Variants in KCNH8 observed in about 807,000 individuals in gnomAD.
The protein encoded by KCNH8 is voltage-gated delayed rectifier potassium channel KCNH8.
In KCNH8, 70 loss-of-function variants were observed where a neutral mutation model predicts 103.6. The observed-to-expected ratio is 0.68, with a 90% CI of 0.56 to 0.82. The LOEUF (loss-of-function observed/expected upper bound fraction) is 0.82, where lower values mean the gene tolerates loss of function less well. Among genes scored for constraint, KCNH8 ranks in the 40% least tolerant of loss-of-function variants. The pLI is 0.00. For synonymous variants in KCNH8, 498 were observed against 489.4 expected (o/e 1.02, Z -0.23); for missense variants, 1,217 against 1,329.9 (o/e 0.92, Z 1.32).
rs545775372 is a variant in KCNH8, at chr3:19,376,162, G to T, written c.812-14319G>T. Among the ~76,000 whole-genome samples the T allele has an allele frequency of 7.0e-4, 106 of 152,358 alleles. 2 individuals carry two copies. The South Asian group carries it at 7.2e-3, about 10-fold the overall frequency. On this transcript the variant is annotated intron_variant, in intron 5 of 15. Transcript: ENST00000328405. ...CGTCCAGGCTGCTTTGTTTACCTAA[G>T]CAAGCCTGGGCAATGGCGGGCGCCC...
chr3:19,508,644 T>C (rs931155662), intron 11 of KCNH8, among the ~76,000 whole-genome samples: 1 of 152,160 alleles, frequency 6.6e-6, no homozygotes, highest in Non-Finnish European at 1.5e-5. Flanking sequence ...TCATGAGCTC[T>C]TACTACTCAA....
intron 5 of KCNH8, among the ~76,000 whole-genome samples, chr3:19,373,096 G>C (rs188483559): frequency 6.6e-6 from 1 of 151,804 alleles, no homozygotes; most frequent in Admixed American, 6.6e-5. Context: ...TCTGTGCCCG[G>C]CTTTGGTATC....
At chr3:19,530,018 C>T (rs896914173) in intron 15 of KCNH8, among the ~76,000 whole-genome samples, 1 of 152,148 alleles carries the variant, frequency 6.6e-6, no homozygotes. Context: ...TCTAAGTTCA[C>T]GGTCTCAAAG....
rs1330663481 is a variant in KCNH8 at position 19,199,323 on chromosome 3, A to G, written c.76+50528A>G. ...AGCATAAACTTTCATTATAGAAGCT[A>G]TTCACTAATATTACATAAATCGTAA... On this transcript the variant is annotated intron_variant, in intron 1 of 15. Transcript: ENST00000328405. Among the ~76,000 whole-genome samples, 7 of 152,086 alleles carry G rather than the reference A, an allele frequency of 4.6e-5. No homozygotes were observed. The East Asian group carries it at 9.6e-4, about 21-fold the overall frequency.
chr3:19,149,638 G>C (rs1011323803), intron 1 of KCNH8, among the ~76,000 whole-genome samples: 1 of 152,132 alleles, frequency 6.6e-6, no homozygotes, highest in African/African-American at 2.4e-5. Context: ...ACTTGACCCT[G>C]TGGATCTTCC....
chr3:19,473,076 G>C (rs1333591502), intron 11 of KCNH8, among the ~76,000 whole-genome samples: 1 of 152,112 alleles, frequency 6.6e-6, no homozygotes, highest in Non-Finnish European at 1.5e-5. Context: ...GTAGTTTACT[G>C]CCTGAGATTA....
rs2065590300 is a variant in KCNH8 at position 19,336,768 on chromosome 3, C to T, written c.443-5819C>T. Among the ~76,000 whole-genome samples the T allele has an allele frequency of 1.3e-5, 2 of 151,842 alleles. 1 individual carries two copies. Among genetic ancestry groups the T allele is most frequent in the Admixed American group, 1.3e-4 (2 of 15,216 alleles). On this transcript the variant is annotated intron_variant, in intron 3 of 15. Transcript: ENST00000328405. ...TTTTTTAAAGAGGACTTTTCCTTTG[C>T]ATCTTGAACTAGAAGTTTCTGCATT...
chr3:19,194,960 A>G (rs1312021245), intron 1 of KCNH8, among the ~76,000 whole-genome samples: 1 of 151,958 alleles, frequency 6.6e-6, no homozygotes, highest in African/African-American at 2.4e-5. Flanking sequence ...ATATAGTTAG[A>G]TAAGGAGTAG....
chr3:19,332,023 G>T (rs1366405015), intron 3 of KCNH8, among the ~76,000 whole-genome samples: 5 of 148,930 alleles, frequency 3.4e-5, no homozygotes, highest in Non-Finnish European at 5.9e-5. Context: ...CTTTAAGGAT[G>T]TATATATCAC....
At position 19,347,223 on chromosome 3, in the gene KCNH8, A is replaced by G. The variant is rs185938206; in HGVS notation, c.571-502A>G. ...TGGCTATATTTGGAAAGAAATGTAAACTGTTTACAATATAATATTGGTCAT... is the reference window on the plus strand; with the variant it reads ...TGGCTATATTTGGAAAGAAATGTAAGCTGTTTACAATATAATATTGGTCAT... On this transcript the variant is annotated intron_variant, in intron 4 of 15. Coordinates refer to ENST00000328405, the MANE Select transcript of KCNH8 (RefSeq NM_144633.3). Among the ~76,000 whole-genome samples the G allele has an allele frequency of 5.5e-3, 834 of 152,198 alleles. 3 individuals are homozygous for G. The highest frequency in any genetic ancestry group is 8.1e-3 in the Non-Finnish European group (553 of 67,982).
Position 19,495,544 on chromosome 3 carries a change from A to G in KCNH8, c.2041-14819A>G, listed in dbSNP as rs549046795. Among the ~76,000 whole-genome samples the G allele has an allele frequency of 3.9e-5, 6 of 152,180 alleles. No homozygotes were observed. The South Asian group carries it at 1.0e-3, about 26-fold the overall frequency. On this transcript the variant is annotated intron_variant, in intron 11 of 15. Transcript: ENST00000328405. ...GTGCAGCCTTATTTCTGAGATCTCT[A>G]TTCTGTTCCATTGGTCTATATGTCT...
intron 12 of KCNH8, among the ~76,000 whole-genome samples, chr3:19,512,491 T>C (rs1315785335): frequency 6.6e-6 from 1 of 152,228 alleles, no homozygotes; most frequent in Non-Finnish European, 1.5e-5. Flanking sequence ...GGAAAGCTTT[T>C]TATTCTCAAG....
chr3:19,335,786 G>A (rs1468464606), intron 3 of KCNH8, among the ~76,000 whole-genome samples: 6 of 151,336 alleles, frequency 4.0e-5, no homozygotes, highest in Non-Finnish European at 8.9e-5. Flanking sequence ...TGCCCTCAAA[G>A]TATTCATTAA....
At chr3:19,506,719 G>A (rs1480113332) in intron 11 of KCNH8, among the ~76,000 whole-genome samples, 1 of 152,120 alleles carries the variant, frequency 6.6e-6, no homozygotes, top group Non-Finnish European at 1.5e-5. Context: ...CAGTGACTGT[G>A]ACAGAGGGCC....
chr3:19,155,989 C>T (rs1188829472), intron 1 of KCNH8, among the ~76,000 whole-genome samples: 4 of 152,168 alleles, frequency 2.6e-5, no homozygotes, highest in Admixed American at 2.6e-4. Context: ...TCTTTGAAGG[C>T]CAGGGCTGAG....
chr3:19,227,898 C>G (rs555769050), intron 1 of KCNH8, among the ~76,000 whole-genome samples: 41 of 152,222 alleles, frequency 2.7e-4, no homozygotes, highest in Non-Finnish European at 4.9e-4. Context: ...AGGAACCACC[C>G]TTTTGGTGGT....
intron 6 of KCNH8, among the ~76,000 whole-genome samples, chr3:19,392,776 TAA>T (rs1422526102): frequency 6.6e-6 from 1 of 151,996 alleles, no homozygotes; most frequent in Middle Eastern, 3.2e-3. Context: ...AAGGCACTTA[TAA>T]GAGATACAAT....
chr3:19,255,346 A>G (rs1279098283), intron 2 of KCNH8, among the ~76,000 whole-genome samples: 1 of 152,202 alleles, frequency 6.6e-6, no homozygotes, highest in Non-Finnish European at 1.5e-5. Flanking sequence ...AAGTTAAGAC[A>G]GCTTAAGATG....
chr3:19,401,341 A>C (rs2066609794), intron 7 of KCNH8, among the ~76,000 whole-genome samples: 1 of 152,038 alleles, frequency 6.6e-6, no homozygotes, highest in African/African-American at 2.4e-5. Flanking sequence ...ATCCTTTTCC[A>C]CCGTCCTATA....
Sources: allele counts gnomAD v4.1 joint callset (sites outside exome capture counted in the v4.1 genomes callset), GRCh38; gene constraint gnomAD v4.1.1; transcripts MANE v1.5; gene names NCBI Gene and HGNC (gene_info 2026-07-23, HGNC 2026-07-21).